Variants in TXNDC11 observed in about 807,000 individuals in gnomAD.
The protein encoded by TXNDC11 is thioredoxin domain-containing protein 11.
In TXNDC11, 68 loss-of-function variants were observed where a neutral mutation model predicts 78.0. The observed-to-expected ratio is 0.87, with a 90% CI of 0.72 to 1.07. TXNDC11 has a LOEUF of 1.07. Among genes scored for constraint, TXNDC11 ranks in the 50% least tolerant of loss-of-function variants. The pLI is 0.00. For synonymous variants in TXNDC11, 571 were observed against 495.2 expected (o/e 1.15, Z -2.03); for missense variants, 1,389 against 1,221.8 (o/e 1.14, Z -2.04).
intron 4 of TXNDC11, among the ~76,000 whole-genome samples, chr16:11,726,566 C>T (rs1049593265): frequency 1.3e-4 from 16 of 125,084 alleles, no homozygotes; most frequent in Admixed American, 2.7e-4. Context: ...GACAACAGAG[C>T]GAGACTCCAC....
intron 9 of TXNDC11, 110 bp downstream of exon 9, chr16:11,688,193 G>A (rs9924009): frequency 0.02 from 25,019 of 1,223,514 alleles, 1,140 homozygotes; most frequent in African/African-American, 0.15. Flanking sequence ...GGGCCATCAC[G>A]TGGTTACTCT....
chr16:11,695,634 C>G (rs2050838389), intron 7 of TXNDC11, among the ~76,000 whole-genome samples: 1 of 152,190 alleles, frequency 6.6e-6, no homozygotes, highest in African/African-American at 2.4e-5. Flanking sequence ...ACCTCTACCA[C>G]CCAAGTTCAG....
intron 10 of TXNDC11, 67 bp downstream of exon 10, chr16:11,687,790 G>C: frequency 9.1e-7 from 1 of 1,101,734 alleles, no homozygotes; most frequent in Non-Finnish European, 1.4e-6. Flanking sequence ...CACACCATAT[G>C]GCTAAGCTGC....
At chr16:11,741,070 A>T (rs1463166312) in intron 1 of TXNDC11, among the ~76,000 whole-genome samples, 1 of 152,118 alleles carries the variant, frequency 6.6e-6, no homozygotes, top group African/African-American at 2.4e-5. Flanking sequence ...CACAACACAG[A>T]ATTATCTGAC....
intron 2 of TXNDC11, among the ~76,000 whole-genome samples, chr16:11,734,930 G>C (rs2052176878): frequency 6.6e-6 from 1 of 152,204 alleles, no homozygotes. Context: ...GGTGTTGGTA[G>C]ATGTCCTGCT....
At chr16:11,709,751 T>C (rs1438155962) in intron 5 of TXNDC11, among the ~76,000 whole-genome samples, 2 of 152,230 alleles carry the variant, frequency 1.3e-5, no homozygotes, top group East Asian at 1.9e-4. Flanking sequence ...ATTCTTTCTG[T>C]ATGTGAGCTA....
At chr16:11,731,597 C>T (rs1002910927) in intron 3 of TXNDC11, among the ~76,000 whole-genome samples, 16 of 151,956 alleles carry the variant, frequency 1.1e-4, no homozygotes, top group Non-Finnish European at 2.4e-4. Context: ...CAGAAATTGA[C>T]ATTAAGCTTA....
chr16:11,696,851 G>A (rs898224229), intron 7 of TXNDC11, among the ~76,000 whole-genome samples: 4 of 152,088 alleles, frequency 2.6e-5, no homozygotes, highest in African/African-American at 4.8e-5. Flanking sequence ...CAGAGGCTGT[G>A]GGCTCCTGCC....
Position 11,691,224 on chromosome 16 carries a change from T to G in TXNDC11, c.1900+66A>C, listed in dbSNP as rs114863687. On this transcript the variant is annotated intron_variant, in intron 8 of 11. Coordinates refer to ENST00000283033, the MANE Select transcript of TXNDC11 (RefSeq NM_015914.7). ...AACTAAATGTAATGAGAGCCATCAA[T>G]AAAATTTACCCATATGAAGTCAAGC... 7.6e-4 allele frequency: 1,033 copies of G among 1,366,586 alleles called. 12 individuals carry two copies. In the African/African-American group the frequency reaches 0.013, roughly 17 times the overall value. 84.7% of individuals were successfully genotyped at this position (1,366,586 alleles called of 1,614,324 possible).
intron 5 of TXNDC11, among the ~76,000 whole-genome samples, chr16:11,711,000 G>A (rs572802026): frequency 1.3e-5 from 2 of 152,170 alleles, no homozygotes; most frequent in African/African-American, 4.8e-5. Flanking sequence ...AGAAGCTGGG[G>A]TGATGAAAAT....
At chr16:11,735,124 C>A (rs1244643998) in intron 2 of TXNDC11, among the ~76,000 whole-genome samples, 1 of 152,208 alleles carries the variant, frequency 6.6e-6, no homozygotes, top group Non-Finnish European at 1.5e-5. Context: ...AATGCAACTT[C>A]TATGTAAACT....
chr16:11,721,810 A>G (rs929317855), intron 4 of TXNDC11, 140 bp from the exon 5 acceptor site: 2 of 509,354 alleles, frequency 3.9e-6, no homozygotes, highest in African/African-American at 2.0e-5. Context: ...GCCTAAGCAC[A>G]TGATAAAAAT....
chr16:11,736,272 T>C, intron 1 of TXNDC11, 39 bp from the exon 2 acceptor site: 2 of 1,469,194 alleles, frequency 1.4e-6, no homozygotes, highest in East Asian at 2.4e-5. Context: ...GCTTAGTTTA[T>C]CTTCTTCTAA....
At chr16:11,737,590 G>A (rs28754659) in intron 1 of TXNDC11, among the ~76,000 whole-genome samples, 3,949 of 151,916 alleles carry the variant, frequency 0.026, 181 homozygotes, top group African/African-American at 0.091. Context: ...GAGGCCGGGC[G>A]CGGTGGCTCA....
intron 2 of TXNDC11, 97 bp downstream of exon 2, chr16:11,735,920 A>G: frequency 8.2e-7 from 1 of 1,217,358 alleles, no homozygotes; most frequent in Non-Finnish European, 1.2e-6. Flanking sequence ...TCACCTTGGC[A>G]AAGTCTGCCC....
chr16:11,735,634 G>A (rs1049553554), intron 2 of TXNDC11, among the ~76,000 whole-genome samples: 3 of 152,054 alleles, frequency 2.0e-5, no homozygotes, highest in Non-Finnish European at 4.4e-5. Flanking sequence ...TAAAAAGGTC[G>A]GCCTTGTTAC....
intron 5 of TXNDC11, among the ~76,000 whole-genome samples, chr16:11,718,757 C>A (rs1223154036): frequency 6.6e-6 from 1 of 152,124 alleles, no homozygotes; most frequent in Non-Finnish European, 1.5e-5. Flanking sequence ...TGCAAACTTG[C>A]ATATGCAACA....
intron 5 of TXNDC11, among the ~76,000 whole-genome samples, chr16:11,712,173 T>C (rs1254271518): frequency 1.3e-5 from 2 of 152,154 alleles, no homozygotes; most frequent in Non-Finnish European, 2.9e-5. Flanking sequence ...AAAATATCAC[T>C]ACATAATTAG....
In TXNDC11 at chr16:11,729,102, T is replaced by C. The variant is rs2051968909; in HGVS notation, c.699+1543A>G. On this transcript the variant is annotated intron_variant, in intron 4 of 11. Transcript: ENST00000283033. ...ATTTTGCTGTGCCATCCCGAGTGGCTCTGGCTGTAACCCACTGAAGAACCA... is the reference window on the plus strand; with the variant it reads ...ATTTTGCTGTGCCATCCCGAGTGGCCCTGGCTGTAACCCACTGAAGAACCA... 3.3e-5 allele frequency among the ~76,000 whole-genome samples: 5 copies of C among 152,370 alleles called. No homozygotes were observed. In the South Asian group the frequency reaches 1.0e-3, roughly 32 times the overall value.
Sources: gnomAD v4.1 joint callset for allele counts (sites outside exome capture counted in the v4.1 genomes callset) on GRCh38, gnomAD v4.1.1 for gene constraint, MANE v1.5 for transcripts, NCBI Gene and HGNC (gene_info 2026-07-23, HGNC 2026-07-21) for gene names.